POU2F1: variants seen among roughly 807,000 people sequenced by gnomAD.
The protein encoded by POU2F1 is POU domain, class 2, transcription factor 1.
In POU2F1, 16 loss-of-function variants were observed where a neutral mutation model predicts 84.9. The ratio of observed to expected loss-of-function variants is 0.19; its 90% CI spans 0.13 to 0.29. The LOEUF (loss-of-function observed/expected upper bound fraction) is 0.29. POU2F1 is among the 10% of genes least tolerant of loss of function. POU2F1 has a pLI of 1.00. For synonymous variants in POU2F1, 368 were observed against 368.3 expected (o/e 1.00, Z 0.01); for missense variants, 738 against 942.6 (o/e 0.78, Z 2.84).
rs1443453758 is a variant in POU2F1, at chr1:167,417,328, C to T, written c.*1518C>T. ...GTCTCCTTGGTTTGTTCATGATGCT[C>T]CTGCTAGGTAGGTCTAAATGGCAAT... On this transcript the variant is annotated 3_prime_UTR_variant, in exon 16 of 16. Coordinates refer to ENST00000367866, the MANE Select transcript of POU2F1 (RefSeq NM_002697.4). 6.6e-6 allele frequency: 1 copy of T among 152,158 alleles called. No homozygotes were observed. The highest frequency in any genetic ancestry group is 1.5e-5 in the Non-Finnish European group (1 of 68,032). The allele number at this position is 152,158 out of a possible 1,614,324, so 9.4% of individuals were successfully genotyped here. A position where few individuals can be genotyped will look rare whatever the true frequency, so the allele number is the denominator to read the frequency against.
chr1:167,406,337 A>G (rs914835075), intron 13 of POU2F1, among the ~76,000 whole-genome samples: 1 of 152,244 alleles, frequency 6.6e-6, no homozygotes, highest in Non-Finnish European at 1.5e-5. Context: ...AAACCCATTC[A>G]TGATGAAAGC....
intron 1 of POU2F1, among the ~76,000 whole-genome samples, chr1:167,233,885 G>T (rs1649254378): frequency 6.6e-6 from 1 of 152,198 alleles, no homozygotes; most frequent in African/African-American, 2.4e-5. Flanking sequence ...AGTAACAACA[G>T]CAATAACATT....
intron 2 of POU2F1, chr1:167,357,368 A>ACCCCCC (rs1557922195): frequency 3.6e-5 from 1 of 27,820 alleles, no homozygotes. Context: ...CTCCCCCCCC[A>ACCCCCC]CCCCCCCCCC....
intron 2 of POU2F1, among the ~76,000 whole-genome samples, chr1:167,343,687 G>T (rs1482343272): frequency 4.8e-4 from 3 of 6,256 alleles, no homozygotes; most frequent in African/African-American, 1.9e-3. Flanking sequence ...TTTTTTTTTT[G>T]AAGGAAGGAA....
intron 1 of POU2F1, chr1:167,318,894 G>A (rs1301087997): frequency 2.6e-5 from 4 of 155,056 alleles, no homozygotes; most frequent in African/African-American, 7.2e-5. Flanking sequence ...TGCCCAATAA[G>A]TATAATTGTT....
At chr1:167,381,011 TAGAA>T (rs1647495637) in intron 7 of POU2F1, 1 of 152,218 alleles carries the variant, frequency 6.6e-6, no homozygotes, top group Non-Finnish European at 1.5e-5. Flanking sequence ...TGTTTTTGGT[TAGAA>T]AACTGTTGTT....
intron 1 of POU2F1, among the ~76,000 whole-genome samples, chr1:167,284,332 G>A (rs1207208955): frequency 6.6e-6 from 1 of 152,146 alleles, no homozygotes; most frequent in Non-Finnish European, 1.5e-5. Flanking sequence ...GTTCTTGATA[G>A]TAGAATGACA....
chr1:167,382,528 A>C (rs766790447), intron 7 of POU2F1, among the ~76,000 whole-genome samples: 3 of 152,216 alleles, frequency 2.0e-5, no homozygotes, highest in Admixed American at 6.5e-5. Context: ...ATTTTGTTCT[A>C]ATTCTAATAT....
intron 9 of POU2F1, 108 bp downstream of exon 9, chr1:167,389,869 A>C (rs1292382929): frequency 7.7e-7 from 1 of 1,299,190 alleles, no homozygotes; most frequent in Non-Finnish European, 1.1e-6. Flanking sequence ...AGTCCAAAAT[A>C]TTTGGGACGG....
chr1:167,384,723 AAAAAG>A (rs1033119377), intron 8 of POU2F1, among the ~76,000 whole-genome samples: 1 of 152,078 alleles, frequency 6.6e-6, no homozygotes, highest in Non-Finnish European at 1.5e-5. Flanking sequence ...TTAAGAAAAA[AAAAAG>A]AAAAGAAAAA....
At chr1:167,373,595 T>A (rs1329690506) in intron 5 of POU2F1, among the ~76,000 whole-genome samples, 1 of 152,142 alleles carries the variant, frequency 6.6e-6, no homozygotes, top group Non-Finnish European at 1.5e-5. Context: ...GAGGGGCCTG[T>A]AGGGAGACTT....
At chr1:167,275,382 A>C (rs539594014) in intron 1 of POU2F1, among the ~76,000 whole-genome samples, 1 of 150,288 alleles carries the variant, frequency 6.7e-6, no homozygotes, top group Non-Finnish European at 1.5e-5. Context: ...CTTACAGAAG[A>C]CTTTTTTTTT....
At chr1:167,280,004 G>C (rs1458702741) in intron 1 of POU2F1, among the ~76,000 whole-genome samples, 1 of 152,060 alleles carries the variant, frequency 6.6e-6, no homozygotes, top group African/African-American at 2.4e-5. Flanking sequence ...TCGGGAGTTT[G>C]AGACCAGCCT....
At chr1:167,253,433 G>A (rs1650889517) in intron 1 of POU2F1, among the ~76,000 whole-genome samples, 1 of 146,140 alleles carries the variant, frequency 6.8e-6, no homozygotes, top group African/African-American at 2.7e-5. Flanking sequence ...TTGGTTAATG[G>A]GTTTTTTGGG....
Position 167,399,288 on chromosome 1 carries a change from A to G in POU2F1, c.1372A>G (p.Lys458Glu). ...VWFCNRRQKEKRINPPSSGGT... is the reference protein window; with the variant it reads ...VWFCNRRQKEERINPPSSGGT... ...GTTCTGTAACCGCCGCCAGAAAGAAAAAAGAATCAACCCACCAAGCAGTGG... is the reference window on the plus strand; with the variant it reads ...GTTCTGTAACCGCCGCCAGAAAGAAGAAAGAATCAACCCACCAAGCAGTGG... Residue 458 changes from lysine to glutamate, a missense_variant, in exon 12 of 16, where the codon AAA becomes GAA. This residue lies in a region of POU2F1 where 319 missense variants were observed against 386.0 expected (regional missense o/e 0.83). Coordinates refer to ENST00000367866, the MANE Select transcript of POU2F1 (RefSeq NM_002697.4). The G allele has an allele frequency of 6.2e-7, 1 of 1,614,164 alleles. No homozygotes were observed. The highest frequency in any genetic ancestry group is 8.5e-7 in the Non-Finnish European group (1 of 1,180,016).
intron 2 of POU2F1, among the ~76,000 whole-genome samples, chr1:167,346,457 C>A (rs542729713): frequency 6.6e-6 from 1 of 152,262 alleles, no homozygotes; most frequent in Admixed American, 6.5e-5. Flanking sequence ...GATCAGCAGC[C>A]CCCAACCTTT....
chr1:167,257,125 C>T (rs759988408), intron 1 of POU2F1, among the ~76,000 whole-genome samples: 5 of 152,058 alleles, frequency 3.3e-5, no homozygotes, highest in Non-Finnish European at 7.4e-5. Context: ...CTGCAGGGAA[C>T]CATTTATTGT....
intron 2 of POU2F1, among the ~76,000 whole-genome samples, chr1:167,359,794 A>G (rs1455688426): frequency 6.7e-6 from 1 of 148,974 alleles, no homozygotes; most frequent in Non-Finnish European, 1.5e-5. Flanking sequence ...TTGCATTCCT[A>G]CCAACAGTGT....
chr1:167,376,268 T>A, intron 7 of POU2F1, 113 bp downstream of exon 7: 2 of 1,195,582 alleles, frequency 1.7e-6, no homozygotes, highest in Non-Finnish European at 2.2e-6. Flanking sequence ...ATGTTTTTAT[T>A]AAATTTTATT....
Sources: allele counts gnomAD v4.1 joint callset (sites outside exome capture counted in the v4.1 genomes callset), GRCh38; gene constraint gnomAD v4.1.1; regional missense constraint gnomAD v4.1.1; transcripts MANE v1.5; gene names NCBI Gene and HGNC (gene_info 2026-07-23, HGNC 2026-07-21).